Variants in AHNAK observed in about 807,000 individuals in gnomAD.
AHNAK encodes neuroblast differentiation-associated protein AHNAK.
Under a neutral mutation model 37.8 loss-of-function variants are expected in AHNAK, and 23 were observed. The ratio of observed to expected loss-of-function variants is 0.61; its 90% CI spans 0.44 to 0.86. The LOEUF (loss-of-function observed/expected upper bound fraction) is 0.86. Among genes scored for constraint, AHNAK ranks in the 40% least tolerant of loss-of-function variants. The pLI, the probability that AHNAK is intolerant of heterozygous loss-of-function variation, is 0.00. For missense variants in AHNAK, 7,411 were observed against 7,319.4 expected (o/e 1.01, Z -0.46); for synonymous variants, 2,481 against 2,636.3 (o/e 0.94, Z 1.80).
In AHNAK at chr11:62,529,825, T is replaced by C; in HGVS notation, c.4592A>G (p.Asp1531Gly). ...PGFKGEGPEV[D>G]MNLPKADLGV... The stretch of plus-strand genomic sequence containing the variant: ...AAGGTCAGCCTTGGGCAGGTTCATA[T>C]CCACCTCTGGGCCCTCTCCTTTAAA... The change falls in exon 5 of 5, where the codon GAT becomes GGT. Residue 1531 changes from aspartate to glycine, a missense_variant. By Grantham distance (94) the Asp-to-Gly change is moderately conservative. Coordinates refer to ENST00000378024, the MANE Select transcript of AHNAK (RefSeq NM_001620.3). The C allele has an allele frequency of 6.2e-7, 1 of 1,614,112 alleles. No homozygotes were observed. Among genetic ancestry groups the C allele is most frequent in the Non-Finnish European group, 8.5e-7 (1 of 1,180,026 alleles).
intron 4 of AHNAK, among the ~76,000 whole-genome samples, chr11:62,503,782 C>T (rs1169766140): frequency 6.6e-6 from 1 of 152,112 alleles, no homozygotes; most frequent in Non-Finnish European, 1.5e-5. Flanking sequence ...AAACTAAGAG[C>T]AGTCACCAAA....
intron 5 of AHNAK, among the ~76,000 whole-genome samples, chr11:62,437,519 C>T (rs1432227375): frequency 0.011 from 1 of 90 alleles, no homozygotes; most frequent in Non-Finnish European, 0.023. Flanking sequence ...CCACACTCAG[C>T]TAATTTTTTT....
At chr11:62,461,810 G>A (rs1377982700) in intron 5 of AHNAK, among the ~76,000 whole-genome samples, 1 of 142,982 alleles carries the variant, frequency 7.0e-6, no homozygotes, top group Non-Finnish European at 1.5e-5. Context: ...GGGCAACAGA[G>A]CGAAACGACA....
intron 5 of AHNAK, among the ~76,000 whole-genome samples, chr11:62,481,847 G>A (rs925039253): frequency 6.6e-5 from 10 of 152,072 alleles, no homozygotes; most frequent in African/African-American, 9.7e-5. Flanking sequence ...TTACAGGCGT[G>A]AACCACCGCG....
chr11:62,523,337 G>A lies in AHNAK; in HGVS notation c.11080C>T (p.Pro3694Ser), dbSNP rs767396408. 3.1e-6 allele frequency: 5 copies of A among 1,613,084 alleles called. No individual in the cohort carries two copies. The South Asian group carries it at 3.3e-5, about 11-fold the overall frequency. Residue 3694 changes from proline (P) to serine (S), a missense_variant, in exon 5 of 5, where the codon CCC becomes TCC. Coordinates refer to ENST00000378024, the MANE Select transcript of AHNAK (RefSeq NM_001620.3). The stretch of plus-strand genomic sequence containing the variant: ...CCTTTTAGATCACCTTCCACTTTGG[G>A]CAAAGACACAACCACATCACCCTTC... ...KMKGDVVVSL[P>S]KVEGDLKGPE... is the part of the protein sequence containing the mutation.
intron 4 of AHNAK, among the ~76,000 whole-genome samples, chr11:62,498,784 AT>A (rs1237250151): frequency 1.3e-5 from 2 of 151,492 alleles, no homozygotes; most frequent in African/African-American, 4.9e-5. Flanking sequence ...TCTAAAAAAA[AT>A]AAAATAAAAA....
At chr11:62,484,116 C>T (rs1380251702) in intron 5 of AHNAK, among the ~76,000 whole-genome samples, 1 of 151,770 alleles carries the variant, frequency 6.6e-6, no homozygotes, top group Non-Finnish European at 1.5e-5. Context: ...ATGGCTCACA[C>T]CCATAATCCC....
chr11:62,475,815 G>A (rs71462309), intron 5 of AHNAK, among the ~76,000 whole-genome samples: 129,465 of 151,708 alleles, frequency 0.85, 56,940 homozygotes, highest in Non-Finnish European at 0.96. Flanking sequence ...ATGTTGGCCA[G>A]GCTCGTCTCG....
chr11:62,455,206 TAC>T (rs1380862670), intron 5 of AHNAK, among the ~76,000 whole-genome samples: 2 of 151,496 alleles, frequency 1.3e-5, no homozygotes, highest in African/African-American at 4.8e-5. Context: ...GTGCTGGGAT[TAC>T]AGGCATGAGC....
Position 62,506,949 on chromosome 11 carries a change from G to A in AHNAK, c.343-15118C>T, listed in dbSNP as rs1590636902. ...CATGGCTGGACCTGAAACCAGCCAA[G>A]CTGCCTGGCTTTCAGGTTTCATTCT... On this transcript the variant is annotated intron_variant, in intron 4 of 5. Coordinates refer to the AHNAK transcript ENST00000257247. Among the ~76,000 whole-genome samples the A allele has an allele frequency of 4.6e-5, 7 of 152,056 alleles. No homozygotes were observed. In the South Asian group the frequency reaches 1.5e-3, roughly 32 times the overall value.
At chr11:62,508,629 G>C (rs1939852448) in intron 4 of AHNAK, among the ~76,000 whole-genome samples, 1 of 152,248 alleles carries the variant, frequency 6.6e-6, no homozygotes, top group South Asian at 2.1e-4. Context: ...CTCCTCAGCA[G>C]AATGTTCCCT....
rs1376467671 is a variant in AHNAK at position 62,469,523 on chromosome 11, T to TA, written c.442+22208dup. On this transcript the variant is annotated intron_variant, in intron 5 of 5. Coordinates refer to the AHNAK transcript ENST00000257247. Reference sequence around the variant, plus strand: ...TCCATCACCCAGGCTGGAGTGCAGTTATGCAATGTCAGCTCACTGTAACCT... The same window carrying TA: ...TCCATCACCCAGGCTGGAGTGCAGTTAATGCAATGTCAGCTCACTGTAACCT... Among the ~76,000 whole-genome samples, 4 of 152,190 alleles carry TA rather than the reference T, an allele frequency of 2.6e-5. No individual in the cohort carries two copies. The East Asian group carries it at 5.8e-4, about 22-fold the overall frequency.
chr11:62,500,737 T>C (rs180881030), intron 4 of AHNAK, among the ~76,000 whole-genome samples: 101 of 152,282 alleles, frequency 6.6e-4, no homozygotes, highest in African/African-American at 2.2e-3. Context: ...CTTTACATAG[T>C]AAATAATCCT....
intron 5 of AHNAK, among the ~76,000 whole-genome samples, chr11:62,461,332 G>C (rs1410638246): frequency 6.6e-6 from 1 of 150,820 alleles, no homozygotes; most frequent in Non-Finnish European, 1.5e-5. Context: ...TTTTAGTACA[G>C]ATGGGGTTTC....
At chr11:62,541,432 T>C (rs1414063243) in intron 1 of AHNAK, among the ~76,000 whole-genome samples, 2 of 152,132 alleles carry the variant, frequency 1.3e-5, no homozygotes, top group Admixed American at 6.5e-5. Flanking sequence ...AAATGACTCA[T>C]GCCCAGAGTT....
chr11:62,544,609 G>A (rs1166368079), intron 1 of AHNAK, among the ~76,000 whole-genome samples: 1 of 151,378 alleles, frequency 6.6e-6, no homozygotes, highest in Non-Finnish European at 1.5e-5. Flanking sequence ...AGAGCAAAGA[G>A]GTGCCCCTAA....
rs1157403472 is a variant in AHNAK, at chr11:62,516,339, CCTTA to C, written c.*401_*404del. Reference sequence around the variant, plus strand: ...GTCTGCAACCCATCACCCCACCCACCCTTACTAACAAAAGCCCCCAAAGTCATTA... The same window carrying C: ...GTCTGCAACCCATCACCCCACCCACCCTAACAAAAGCCCCCAAAGTCATTA... On this transcript the variant is annotated 3_prime_UTR_variant, in exon 5 of 5. Transcript: ENST00000378024. 8 of 1,288,006 alleles carry C rather than the reference CCTTA, an allele frequency of 6.2e-6. No homozygotes were observed. Among genetic ancestry groups the C allele is most frequent in the Non-Finnish European group, 7.1e-6 (7 of 987,920 alleles). The allele number at this position is 1,288,006 out of a possible 1,614,324, so 79.8% of individuals were successfully genotyped here. A position where few individuals can be genotyped will look rare whatever the true frequency, so the allele number is the denominator to read the frequency against.
At chr11:62,448,188 G>C (rs1012116268) in intron 5 of AHNAK, among the ~76,000 whole-genome samples, 1 of 152,150 alleles carries the variant, frequency 6.6e-6, no homozygotes, top group Admixed American at 6.6e-5. Context: ...GATGAGGAGA[G>C]GGGACATCAG....
chr11:62,519,351 C>T lies in AHNAK; in HGVS notation c.15066G>A (p.Lys5022=). Residue 5022 remains lysine (K), a synonymous_variant, in exon 5 of 5, where the codon AAG becomes AAA. Transcript: ENST00000378024. ...ISVGGKGKKS[K]FKMPKIHMSG... ...TCATATGAATTTTAGGCATTTTAAA[C>T]TTACTTTTCTTGCCCTTGCCACCAA... 1 of 1,614,130 alleles carries T rather than the reference C, an allele frequency of 6.2e-7. No individual in the cohort carries two copies. Among genetic ancestry groups the T allele is most frequent in the Non-Finnish European group, 8.5e-7 (1 of 1,180,022 alleles).
Sources: gnomAD v4.1 joint callset for allele counts (sites outside exome capture counted in the v4.1 genomes callset) on GRCh38, gnomAD v4.1.1 for gene constraint, MANE v1.5 for transcripts, NCBI Gene and HGNC (gene_info 2026-07-23, HGNC 2026-07-21) for gene names.